ANGPT1: variants seen among roughly 807,000 people sequenced by gnomAD.
ANGPT1 encodes angiopoietin-1.
A neutral mutation model predicts 62.2 loss-of-function variants in ANGPT1; 17 were observed. The ratio of observed to expected loss-of-function variants is 0.27; its 90% CI spans 0.19 to 0.41. The LOEUF (loss-of-function observed/expected upper bound fraction) is 0.41. Ranked by LOEUF, ANGPT1 falls within the 10% of genes least tolerant of loss-of-function variation. The pLI is 1.00. For synonymous variants in ANGPT1, 199 were observed against 198.9 expected, an observed-to-expected ratio of 1.00 and a Z score of 0.00; for missense variants, 478 against 594.9, an observed-to-expected ratio of 0.80 and a Z score of 2.04.
chr8:107,490,887 G>A (rs544769660), intron 1 of ANGPT1, among the ~76,000 whole-genome samples: 2 of 152,354 alleles, frequency 1.3e-5, no homozygotes, highest in South Asian at 4.1e-4. Flanking sequence ...AGAGGTGGCA[G>A]GAAGGATTTG....
intron 1 of ANGPT1, among the ~76,000 whole-genome samples, chr8:107,486,647 C>A (rs1812823150): frequency 1.3e-5 from 2 of 152,126 alleles, no homozygotes; most frequent in African/African-American, 4.8e-5. Context: ...ACTATTATCA[C>A]CTCAATTTCA....
At chr8:107,260,211 G>C (rs553129765) in intron 8 of ANGPT1, among the ~76,000 whole-genome samples, 1 of 152,022 alleles carries the variant, frequency 6.6e-6, no homozygotes, top group Non-Finnish European at 1.5e-5. Flanking sequence ...GTCTTTTACC[G>C]ATAAGGGTAA....
chr8:107,413,678 G>T (rs950630945), intron 1 of ANGPT1, among the ~76,000 whole-genome samples: 5 of 149,374 alleles, frequency 3.3e-5, no homozygotes, highest in Non-Finnish European at 3.0e-5. Context: ...AAATTTATAT[G>T]GAAATATTAA....
chr8:107,494,650 G>A (rs1813046384), intron 1 of ANGPT1: 1 of 152,140 alleles, frequency 6.6e-6, no homozygotes. Flanking sequence ...AACAGTTCCA[G>A]TATTTATGGT....
intron 5 of ANGPT1, among the ~76,000 whole-genome samples, chr8:107,299,573 T>C (rs1313227256): frequency 7.3e-6 from 1 of 136,806 alleles, no homozygotes; most frequent in Non-Finnish European, 1.5e-5. Context: ...TAGATATATA[T>C]AGCATATATA....
chr8:107,249,739 C>G lies in ANGPT1; in HGVS notation c.*2116G>C, dbSNP rs1319899809. ...CAATATTTCATTTCTCAAACCCAGACAACAAAACAGTAAATATCATGCTTT... is the reference window on the plus strand; with the variant it reads ...CAATATTTCATTTCTCAAACCCAGAGAACAAAACAGTAAATATCATGCTTT... On this transcript the variant is annotated 3_prime_UTR_variant, in exon 9 of 9. Coordinates refer to ENST00000517746, the MANE Select transcript of ANGPT1 (RefSeq NM_001146.5). 3 of 152,006 alleles carry G rather than the reference C, an allele frequency of 2.0e-5. No individual in the cohort carries two copies. Among genetic ancestry groups the G allele is most frequent in the African/African-American group, 7.2e-5 (3 of 41,416 alleles). The allele number at this position is 152,006 out of a possible 1,614,324, so 9.4% of individuals were successfully genotyped here.
intron 1 of ANGPT1, among the ~76,000 whole-genome samples, chr8:107,349,307 C>T (rs1045320876): frequency 6.6e-6 from 1 of 152,026 alleles, no homozygotes; most frequent in Admixed American, 6.6e-5. Flanking sequence ...TAACAGTCTC[C>T]CATTGAGCAG....
At chr8:107,422,645 TCAAA>T (rs1810921961) in intron 1 of ANGPT1, among the ~76,000 whole-genome samples, 1 of 152,086 alleles carries the variant, frequency 6.6e-6, no homozygotes, top group Non-Finnish European at 1.5e-5. Flanking sequence ...GCTTTTAGTC[TCAAA>T]CATTCAGACA....
At chr8:107,398,996 T>A (rs1356305909) in intron 1 of ANGPT1, among the ~76,000 whole-genome samples, 1 of 152,162 alleles carries the variant, frequency 6.6e-6, no homozygotes, top group Admixed American at 6.5e-5. Context: ...GAAATGTGTT[T>A]AAACCAAGCA....
chr8:107,413,496 C>A (rs1441976656), intron 1 of ANGPT1, among the ~76,000 whole-genome samples: 1 of 151,688 alleles, frequency 6.6e-6, no homozygotes, highest in African/African-American at 2.4e-5. Flanking sequence ...AACCAAAAAA[C>A]CCTCAGTAAC....
intron 1 of ANGPT1, among the ~76,000 whole-genome samples, chr8:107,494,162 C>A (rs1358479488): frequency 6.6e-6 from 1 of 152,142 alleles, no homozygotes; most frequent in Non-Finnish European, 1.5e-5. Context: ...CAAAACAGAT[C>A]TTCTAAGGAT....
chr8:107,495,215 T>C (rs1478713008), intron 1 of ANGPT1, among the ~76,000 whole-genome samples: 1 of 152,198 alleles, frequency 6.6e-6, no homozygotes, highest in Non-Finnish European at 1.5e-5. Context: ...TATGCAAATT[T>C]AAACTGACAA....
intron 6 of ANGPT1, among the ~76,000 whole-genome samples, chr8:107,293,639 A>G (rs1026912918): frequency 6.6e-6 from 1 of 152,112 alleles, no homozygotes; most frequent in Non-Finnish European, 1.5e-5. Context: ...CACGTATCCA[A>G]CGAAGGTCTG....
chr8:107,249,670 A>C lies in ANGPT1; in HGVS notation c.*2185T>G, dbSNP rs1040767871. The C allele has an allele frequency of 1.3e-5, 2 of 152,198 alleles. No individual in the cohort carries two copies. Among genetic ancestry groups the C allele is most frequent in the African/African-American group, 4.8e-5 (2 of 41,464 alleles). The allele number at this position is 152,198 out of a possible 1,614,324, so 9.4% of individuals were successfully genotyped here. On this transcript the variant is annotated 3_prime_UTR_variant, in exon 9 of 9. Transcript: ENST00000517746. ...GTACGTATTACATAATACACATAAC[A>C]ATCATAAAACATTTTATACTGATTT... is the stretch of plus-strand genomic sequence containing the variant.
intron 1 of ANGPT1, among the ~76,000 whole-genome samples, chr8:107,410,026 A>C (rs1817234450): frequency 6.6e-6 from 1 of 152,120 alleles, no homozygotes; most frequent in African/African-American, 2.4e-5. Flanking sequence ...TGTGCTAAGT[A>C]ATAGGAAAGT....
intron 1 of ANGPT1, among the ~76,000 whole-genome samples, chr8:107,364,275 ATAT>A (rs1300660423): frequency 5.9e-5 from 9 of 152,058 alleles, no homozygotes; most frequent in African/African-American, 2.2e-4. Flanking sequence ...ACAATGGTTA[ATAT>A]TATTATTACT....
rs149473346 is a variant in ANGPT1 at position 107,435,931 on chromosome 8, C to T, written c.297+61331G>A. On this transcript the variant is annotated intron_variant, in intron 1 of 8. Coordinates refer to ENST00000517746, the MANE Select transcript of ANGPT1 (RefSeq NM_001146.5). ...GATTGATTGGTTGATTAGACAGGGTCCCATTGTGCCACCCAGGCTAGAGTG... is the reference window on the plus strand; with the variant it reads ...GATTGATTGGTTGATTAGACAGGGTTCCATTGTGCCACCCAGGCTAGAGTG... Among the ~76,000 whole-genome samples, 186 of 152,256 alleles carry T rather than the reference C, an allele frequency of 1.2e-3. 1 individual carries two copies. Among genetic ancestry groups the T allele is most frequent in the Middle Eastern group, 3.4e-3 (1 of 294 alleles).
At chr8:107,352,996 T>C (rs1264622380) in intron 1 of ANGPT1, among the ~76,000 whole-genome samples, 4 of 152,192 alleles carry the variant, frequency 2.6e-5, no homozygotes. Context: ...GCCAAATATA[T>C]TATTTTCAGG....
chr8:107,328,875 C>T (rs1172043950), intron 3 of ANGPT1, among the ~76,000 whole-genome samples: 1 of 151,910 alleles, frequency 6.6e-6, no homozygotes, highest in East Asian at 1.9e-4. Flanking sequence ...TAAATTATCA[C>T]ATCACTAATT....
Sources: allele counts gnomAD v4.1 joint callset (sites outside exome capture counted in the v4.1 genomes callset), GRCh38; gene constraint gnomAD v4.1.1; transcripts MANE v1.5; gene names NCBI Gene and HGNC (gene_info 2026-07-23, HGNC 2026-07-21).